Variants in CAAP1 observed in about 807,000 individuals in gnomAD.
CAAP1 encodes conserved anti-apoptotic protein.
In CAAP1, 20 loss-of-function variants were observed where a neutral mutation model predicts 34.0. The ratio of observed to expected loss-of-function variants is 0.59; its 90% confidence interval spans 0.41 to 0.86. The LOEUF is 0.86. CAAP1 is among the 40% of genes least tolerant of loss of function. The pLI is 0.00. For missense variants in CAAP1, 538 were observed against 450.5 expected (o/e 1.19, Z -1.76); for synonymous variants, 213 against 166.7 (o/e 1.28, Z -2.14).
chr9:26,867,836 C>T (rs1740897555), intron 4 of CAAP1, among the ~76,000 whole-genome samples: 1 of 151,802 alleles, frequency 6.6e-6, no homozygotes, highest in African/African-American at 2.4e-5. Flanking sequence ...CTGTTTTAAT[C>T]CATGAATTTA....
chr9:26,852,227 G>A (rs1392728484), intron 5 of CAAP1, among the ~76,000 whole-genome samples: 1 of 152,062 alleles, frequency 6.6e-6, no homozygotes, highest in African/African-American at 2.4e-5. Context: ...GCCAAGGGAG[G>A]TGGATCACTT....
chr9:26,845,830 G>T (rs1822587177), intron 5 of CAAP1, among the ~76,000 whole-genome samples: 1 of 152,006 alleles, frequency 6.6e-6, no homozygotes, highest in African/African-American at 2.4e-5. Flanking sequence ...TCTGATCCCT[G>T]AATTTTATTT....
intron 5 of CAAP1, among the ~76,000 whole-genome samples, chr9:26,846,925 G>A (rs944138514): frequency 1.3e-5 from 2 of 151,868 alleles, no homozygotes; most frequent in Non-Finnish European, 2.9e-5. Context: ...AACCTCAGGT[G>A]ATCTGCCTGC....
chr9:26,869,887 A>C, intron 4 of CAAP1: 1 of 881,372 alleles, frequency 1.1e-6, no homozygotes, highest in Non-Finnish European at 1.4e-6. Flanking sequence ...CAATTTTTTA[A>C]AAAGGTGATA....
chr9:26,863,109 C>A (rs1823043068), intron 4 of CAAP1, among the ~76,000 whole-genome samples: 1 of 152,100 alleles, frequency 6.6e-6, no homozygotes, highest in African/African-American at 2.4e-5. Flanking sequence ...CCTATGAAAG[C>A]CTCTTAGAGC....
At chr9:26,887,586 C>A (rs769499347) in intron 1 of CAAP1, 73 bp from the exon 2 acceptor site, 4 of 850,776 alleles carry the variant, frequency 4.7e-6, no homozygotes, top group Admixed American at 3.4e-5. Context: ...TGACATCATA[C>A]GTTTTCATTT....
Position 26,842,591 on chromosome 9 carries a change from T to C in CAAP1, c.796A>G (p.Ile266Val). ...GCTTCTTCGTTGCATGGGCCTTCTA[T>C]GTCGCTGTCATAAGCATCTGCATTT... ...SINADAYDSD[I>V]EGPCNEEAAA... Residue 266 changes from isoleucine to valine, a missense_variant, in exon 6 of 6, where the codon ATA (isoleucine) becomes GTA (valine). By Grantham distance (29) the Ile-to-Val change is conservative (BLOSUM62 3). This residue lies in a region of CAAP1 where 514 missense variants were observed against 408.4 expected (regional missense o/e 1.26). Transcript: ENST00000333916. 6.2e-7 allele frequency: 1 copy of C among 1,614,222 alleles called. No individual in the cohort carries two copies. The highest frequency in any genetic ancestry group is 8.5e-7 in the Non-Finnish European group (1 of 1,180,054).
intron 4 of CAAP1, among the ~76,000 whole-genome samples, chr9:26,863,519 TA>T (rs1823053962): frequency 6.6e-6 from 1 of 152,104 alleles, no homozygotes; most frequent in South Asian, 2.1e-4. Context: ...GTAAGAAAAT[TA>T]TGTGTACAGG....
rs775239966 is a variant in CAAP1, at chr9:26,841,296, G to A, written c.*1005C>T. ...TTTATTTTAAGTTAAGGATCTCTACGTAAATTTATTTTGGTATCAAACAAC... is the reference window on the plus strand; with the variant it reads ...TTTATTTTAAGTTAAGGATCTCTACATAAATTTATTTTGGTATCAAACAAC... On this transcript the variant is annotated 3_prime_UTR_variant, in exon 6 of 6. Transcript: ENST00000333916. 1.1e-4 allele frequency: 17 copies of A among 152,414 alleles called. No homozygotes were observed. The highest frequency in any genetic ancestry group is 2.1e-4 in the Non-Finnish European group (14 of 67,958). The allele number at this position is 152,414 out of a possible 1,614,324, so 9.4% of individuals were successfully genotyped here. A position where few individuals can be genotyped will look rare whatever the true frequency, so the allele number is the denominator to read the frequency against.
intron 4 of CAAP1, among the ~76,000 whole-genome samples, chr9:26,868,236 T>G (rs533181762): frequency 5.9e-5 from 9 of 152,322 alleles, no homozygotes; most frequent in Non-Finnish European, 1.2e-4. Flanking sequence ...TGATTGTGAT[T>G]AAGGATCTTG....
intron 4 of CAAP1, chr9:26,870,040 T>C (rs1823236467): frequency 9.3e-6 from 1 of 107,230 alleles, no homozygotes; most frequent in Non-Finnish European, 1.6e-5. Flanking sequence ...AAAGAATAAC[T>C]TTTTTTTTTT....
chr9:26,875,785 T>C (rs1823414173), intron 4 of CAAP1, among the ~76,000 whole-genome samples: 1 of 152,156 alleles, frequency 6.6e-6, no homozygotes, highest in Non-Finnish European at 1.5e-5. Flanking sequence ...AGTTGCTTGA[T>C]CTGATTTTTT....
chr9:26,846,694 C>CT (rs888026035), intron 5 of CAAP1, among the ~76,000 whole-genome samples: 1,523 of 148,308 alleles, frequency 0.01, 20 homozygotes, highest in Non-Finnish European at 0.013. Context: ...AATTTTTCTT[C>CT]TTTTTTTTTT....
At chr9:26,858,459 A>G (rs989804050) in intron 5 of CAAP1, among the ~76,000 whole-genome samples, 2 of 152,236 alleles carry the variant, frequency 1.3e-5, no homozygotes, top group African/African-American at 4.8e-5. Flanking sequence ...ATTATGCAAT[A>G]AAACATTTTA....
chr9:26,887,546 A>C, intron 1 of CAAP1, 33 bp from the exon 2 acceptor site: 1 of 1,274,818 alleles, frequency 7.8e-7, no homozygotes. Context: ...CCATTAAACA[A>C]TACTACTTAA....
chr9:26,857,657 G>A (rs1283929399), intron 5 of CAAP1, among the ~76,000 whole-genome samples: 1 of 151,938 alleles, frequency 6.6e-6, no homozygotes, highest in African/African-American at 2.4e-5. Context: ...AAGAAAGGAA[G>A]AATTTCTAAC....
chr9:26,842,654 C>CAAAAAAA lies in CAAP1; in HGVS notation c.740-8_740-7insTTTTTTT. On this transcript the variant is annotated splice_polypyrimidine_tract_variant and splice_region_variant and intron_variant, in intron 5 of 5. Coordinates refer to ENST00000333916, the MANE Select transcript of CAAP1 (RefSeq NM_024828.4). ...TCACTATCTTCCCCTTTTCCTGTAACCAAAAAAGGAGAAAGATCCATGTAA... is the reference window on the plus strand; with the variant it reads ...TCACTATCTTCCCCTTTTCCTGTAACAAAAAAACAAAAAAGGAGAAAGATCCATGTAA... The CAAAAAAA allele has an allele frequency of 6.4e-7, 1 of 1,570,422 alleles. No homozygotes were observed. Among genetic ancestry groups the CAAAAAAA allele is most frequent in the Admixed American group, 1.9e-5 (1 of 51,344 alleles).
In CAAP1 at chr9:26,842,318, T is replaced by C. The variant is rs1417212373; in HGVS notation, c.1069A>G (p.Ile357Val). ...TTAAATACCTAGGCTGGCTTTTTTA[T>C]ATCACCAGCTTTCATTAGGGCTTTA... ...AIKALMKAGD[I>V]KKPA The change falls in exon 6 of 6, where the codon ATA becomes GTA. Residue 357 changes from isoleucine (I) to valine (V), a missense_variant. Physicochemically the swap from Ile to Val is conservative, Grantham distance 29. Around this residue, in one of 3 missense-constraint regions of CAAP1, gnomAD observed 18 missense variants for 22.3 expected, o/e 0.81. Transcript: ENST00000333916. 2.5e-6 allele frequency: 4 copies of C among 1,570,156 alleles called. No homozygotes were observed. The highest frequency in any genetic ancestry group is 3.4e-6 in the Non-Finnish European group (4 of 1,160,258).
intron 1 of CAAP1, among the ~76,000 whole-genome samples, chr9:26,888,685 T>C (rs1320484008): frequency 6.6e-6 from 1 of 152,256 alleles, no homozygotes; most frequent in Non-Finnish European, 1.5e-5. Flanking sequence ...GCAGCTACTT[T>C]GGAAGCTAAT....
Sources: allele counts gnomAD v4.1 joint callset (sites outside exome capture counted in the v4.1 genomes callset), GRCh38; gene constraint gnomAD v4.1.1; regional missense constraint gnomAD v4.1.1; transcripts MANE v1.5; gene names NCBI Gene and HGNC (gene_info 2026-07-23, HGNC 2026-07-21).